The following CAPS2 variants were observed in gnomAD, a reference collection of about 807,000 sequenced individuals.
CAPS2 encodes the protein calcyphosin-2.
CAPS2 carries 98 observed loss-of-function variants against 86.5 expected under a neutral mutation model. The ratio of observed to expected loss-of-function variants is 1.13; its 90% CI spans 0.96 to 1.34. The LOEUF (loss-of-function observed/expected upper bound fraction) is 1.34, where lower values mean the gene tolerates loss of function less well. Ranked by LOEUF, CAPS2 falls within the 40% of genes most tolerant of loss-of-function variation. The pLI is 0.00. For missense variants in CAPS2, 729 were observed against 686.8 expected, an observed-to-expected ratio of 1.06 and a Z score of -0.69; for synonymous variants, 210 against 225.1, an observed-to-expected ratio of 0.93 and a Z score of 0.60.
At chr12:75,322,788 C>T (rs1187771604) in intron 4 of CAPS2, 1 of 514,656 alleles carries the variant, frequency 1.9e-6, no homozygotes, top group Non-Finnish European at 3.5e-6. Flanking sequence ...TTACCAATTT[C>T]ATTTAAAAAT....
exon 17 of CAPS2, chr12:75,278,986 T>A (rs775355295): frequency 6.2e-7 from 1 of 1,610,898 alleles, no homozygotes; most frequent in South Asian, 1.1e-5. Context: ...ATTCACCATA[T>A]GACACTTCAT....
intron 14 of CAPS2, among the ~76,000 whole-genome samples, chr12:75,287,626 G>A (rs1488278576): frequency 1.3e-5 from 2 of 152,142 alleles, no homozygotes; most frequent in Non-Finnish European, 2.9e-5. Context: ...GCTTGTGGAG[G>A]TTCCTGGAGG....
At position 75,347,651 on chromosome 12, in the gene CAPS2, T is replaced by C. The variant is rs773490562; in HGVS notation, c.-394-24429A>G. The C allele has an allele frequency of 5.0e-6, 8 of 1,609,946 alleles. No individual in the cohort carries two copies. The South Asian group carries it at 6.6e-5, about 13-fold the overall frequency. ...TTTGGGCCAATTCATTTTATGTCGG[T>C]TGTGCAGTTGCAATGTGTCCTAACC... On this transcript the variant is annotated intron_variant, in intron 1 of 5. Transcript: ENST00000551829.
intron 5 of CAPS2, among the ~76,000 whole-genome samples, chr12:75,318,758 A>T (rs528459768): frequency 6.6e-6 from 1 of 151,734 alleles, no homozygotes; most frequent in African/African-American, 2.4e-5. Context: ...TAATCATTCC[A>T]TTGATTGATT....
chr12:75,348,163 T>C (rs1389083672), intron 1 of CAPS2, among the ~76,000 whole-genome samples: 3 of 152,104 alleles, frequency 2.0e-5, no homozygotes, highest in Non-Finnish European at 4.4e-5. Flanking sequence ...CATATCTAAA[T>C]GAAAATATAG....
chr12:75,297,520 C>T (rs1003817757), intron 11 of CAPS2, among the ~76,000 whole-genome samples: 1 of 152,236 alleles, frequency 6.6e-6, no homozygotes, highest in East Asian at 1.9e-4. Context: ...TAATTCAATC[C>T]TATCCTGCCC....
At position 75,316,385 on chromosome 12, in the gene CAPS2, CTATCCAGA is replaced by C; in HGVS notation, c.510_517del (p.Leu171GlufsTer15). ...ATAACCTTGCTGTAAGATGGCTTTC[CTATCCAGA>C]GTCGTAAGGTCATCTGTGTTGGCTT... On this transcript the variant is annotated frameshift_variant, in exon 6 of 17. Transcript: ENST00000393284. LOFTEE classifies it high-confidence loss of function. 6.4e-7 allele frequency: 1 copy of C among 1,551,056 alleles called. No individual in the cohort carries two copies. Among genetic ancestry groups the C allele is most frequent in the Non-Finnish European group, 8.7e-7 (1 of 1,146,508 alleles).
At chr12:75,333,308 A>G (rs2041471139), upstream of CAPS2, among the ~76,000 whole-genome samples, 1 of 152,144 alleles carries the variant, frequency 6.6e-6, no homozygotes, top group Non-Finnish European at 1.5e-5. Flanking sequence ...CTTTACATAT[A>G]TAAATGTATG....
chr12:75,337,617 A>G (rs182705145), intron 1 of CAPS2, among the ~76,000 whole-genome samples: 333 of 151,840 alleles, frequency 2.2e-3, no homozygotes, highest in Middle Eastern at 6.9e-3. Flanking sequence ...TTAATGTACA[A>G]TTTTTTTTAC....
At chr12:75,364,389 G>T (rs1007815840) in intron 1 of CAPS2, among the ~76,000 whole-genome samples, 1 of 152,194 alleles carries the variant, frequency 6.6e-6, no homozygotes, top group Non-Finnish European at 1.5e-5. Flanking sequence ...AAGATCAATG[G>T]CCAGTAAACA....
chr12:75,390,646 T>C (rs1260665670), intron 1 of CAPS2, among the ~76,000 whole-genome samples: 2 of 152,316 alleles, frequency 1.3e-5, no homozygotes, highest in African/African-American at 4.8e-5. Context: ...AAAAATTTAA[T>C]TGAATTTGTA....
chr12:75,291,813 A>C (rs1191167215), exon 13 of CAPS2: 1 of 1,542,810 alleles, frequency 6.5e-7, no homozygotes, highest in South Asian at 1.2e-5. Flanking sequence ...TGTTCCATAG[A>C]AGCAGTTCTG....
intron 1 of CAPS2, among the ~76,000 whole-genome samples, chr12:75,379,038 G>T (rs1344476674): frequency 6.6e-6 from 1 of 151,908 alleles, no homozygotes; most frequent in Non-Finnish European, 1.5e-5. Context: ...TTATCATTTT[G>T]TTATCTTCAT....
chr12:75,329,849 G>A, upstream of CAPS2: 1 of 1,544,670 alleles, frequency 6.5e-7, no homozygotes, highest in Non-Finnish European at 8.7e-7. Flanking sequence ...GTAGCAGAAG[G>A]AATTCCCCAT....
chr12:75,311,699 G>GAAAAAAAAA (rs764314438), intron 7 of CAPS2, among the ~76,000 whole-genome samples: 3 of 16,992 alleles, frequency 1.8e-4, no homozygotes, highest in African/African-American at 2.5e-4. Flanking sequence ...AAGCCATGCA[G>GAAAAAAAAA]GAAAAAAAAA....
chr12:75,291,566 A>AGT (rs2035915279), intron 13 of CAPS2, among the ~76,000 whole-genome samples, 178 bp downstream of exon 13: 4 of 41,832 alleles, frequency 9.6e-5, no homozygotes, highest in African/African-American at 2.6e-4. Flanking sequence ...TATTTTTAAA[A>AGT]GTATATATAT....
At chr12:75,338,593 T>G (rs531487480) in intron 1 of CAPS2, among the ~76,000 whole-genome samples, 1 of 148,916 alleles carries the variant, frequency 6.7e-6, no homozygotes, top group Admixed American at 6.6e-5. Flanking sequence ...AAAAGTTATT[T>G]TTTTTTTCAG....
intron 1 of CAPS2, chr12:75,371,572 A>C (rs1006664160): frequency 4.8e-6 from 1 of 210,404 alleles, no homozygotes; most frequent in East Asian, 1.6e-4. Context: ...TATAATCTCC[A>C]AATAAAGACA....
intron 5 of CAPS2, among the ~76,000 whole-genome samples, chr12:75,318,936 T>C (rs2040042637): frequency 6.6e-6 from 1 of 152,148 alleles, no homozygotes; most frequent in African/African-American, 2.4e-5. Flanking sequence ...AATGAATAAA[T>C]TATATTGATC....
Sources: gnomAD v4.1 joint callset for allele counts (sites outside exome capture counted in the v4.1 genomes callset) on GRCh38, gnomAD v4.1.1 for gene constraint, MANE v1.5 for transcripts, NCBI Gene and HGNC (gene_info 2026-07-23, HGNC 2026-07-21) for gene names.